The following SBF2 variants were observed in gnomAD, a reference collection of about 807,000 sequenced individuals.
SBF2 encodes the protein SET binding factor 2, also known as myotubularin-related protein 13.
SBF2 carries 112 observed loss-of-function variants against 225.2 expected under a neutral mutation model. The observed-to-expected ratio is 0.50, with a 90% confidence interval of 0.43 to 0.58. The LOEUF is 0.58. Ranked by LOEUF, SBF2 falls within the 20% of genes least tolerant of loss-of-function variation. SBF2 has a pLI of 0.00. For synonymous variants in SBF2, 763 were observed against 773.3 expected, an observed-to-expected ratio of 0.99 and a Z score of 0.22; for missense variants, 1,996 against 2,206.2, an observed-to-expected ratio of 0.90 and a Z score of 1.91.
chr11:10,044,116 A>G (rs1459876431), intron 2 of SBF2, among the ~76,000 whole-genome samples: 1 of 152,198 alleles, frequency 6.6e-6, no homozygotes, highest in Non-Finnish European at 1.5e-5. Flanking sequence ...ATCCAGAGTA[A>G]GCAAATAAAG....
intron 1 of SBF2, among the ~76,000 whole-genome samples, chr11:10,265,461 A>G (rs2044142): frequency 0.024 from 2,691 of 110,848 alleles, 93 homozygotes; most frequent in African/African-American, 0.08. Flanking sequence ...AACAGTTTCT[A>G]TCTTTAAAAG....
At chr11:9,829,989 C>T (rs1764498639) in intron 27 of SBF2, among the ~76,000 whole-genome samples, 2 of 152,202 alleles carry the variant, frequency 1.3e-5, no homozygotes. Flanking sequence ...GCCACACAGG[C>T]CCACCAGGGG....
chr11:10,065,257 C>T (rs1950587048), intron 2 of SBF2, among the ~76,000 whole-genome samples: 2 of 152,022 alleles, frequency 1.3e-5, no homozygotes, highest in African/African-American at 4.8e-5. Context: ...TTGTAGGATG[C>T]TACTAAAGTA....
At chr11:10,174,662 G>T (rs539853192) in intron 2 of SBF2, among the ~76,000 whole-genome samples, 1 of 151,974 alleles carries the variant, frequency 6.6e-6, no homozygotes, top group Non-Finnish European at 1.5e-5. Flanking sequence ...TACAGAGAAC[G>T]CCACAAAGAT....
At chr11:10,260,757 C>T (rs1009960202) in intron 1 of SBF2, among the ~76,000 whole-genome samples, 6 of 150,746 alleles carry the variant, frequency 4.0e-5, no homozygotes, top group Non-Finnish European at 5.9e-5. Context: ...GGTGTGCACC[C>T]GTAGTCCCAT....
intron 1 of SBF2, among the ~76,000 whole-genome samples, chr11:10,235,973 AG>A (rs1488287592): frequency 6.6e-6 from 1 of 152,172 alleles, no homozygotes; most frequent in Non-Finnish European, 1.5e-5. Flanking sequence ...CAGGAGGCTG[AG>A]ATAGGACAAT....
intron 2 of SBF2, among the ~76,000 whole-genome samples, chr11:10,100,382 C>A (rs755572560): frequency 1.3e-5 from 2 of 152,226 alleles, no homozygotes; most frequent in African/African-American, 4.8e-5. Flanking sequence ...CAGTAGCCCC[C>A]TCTCTGGTGA....
chr11:10,019,842 A>G (rs974622349), intron 6 of SBF2, among the ~76,000 whole-genome samples: 2 of 152,230 alleles, frequency 1.3e-5, no homozygotes, highest in Non-Finnish European at 2.9e-5. Flanking sequence ...TGGATGGTTC[A>G]GCAATTTACC....
chr11:9,921,791 A>G (rs1297862548), intron 16 of SBF2, among the ~76,000 whole-genome samples: 1 of 152,206 alleles, frequency 6.6e-6, no homozygotes, highest in Non-Finnish European at 1.5e-5. Context: ...GTCTCTTACA[A>G]TTGGAGTTAT....
At chr11:9,929,935 C>T (rs1205842446) in intron 16 of SBF2, among the ~76,000 whole-genome samples, 1 of 151,888 alleles carries the variant, frequency 6.6e-6, no homozygotes, top group East Asian at 1.9e-4. Flanking sequence ...GATGTGTTTT[C>T]ATTGTTCAGC....
chr11:10,035,308 A>G (rs909387250), intron 3 of SBF2, among the ~76,000 whole-genome samples: 1 of 151,960 alleles, frequency 6.6e-6, no homozygotes, highest in Non-Finnish European at 1.5e-5. Flanking sequence ...AACCATAAAA[A>G]CCCTAGAAGA....
intron 6 of SBF2, among the ~76,000 whole-genome samples, chr11:10,010,700 A>T (rs1417363568): frequency 6.6e-6 from 1 of 152,220 alleles, no homozygotes; most frequent in Non-Finnish European, 1.5e-5. Context: ...CTTTTTGCTT[A>T]GGACTGTCTT....
intron 14 of SBF2, among the ~76,000 whole-genome samples, chr11:9,967,134 G>A (rs965117160): frequency 6.6e-6 from 1 of 152,174 alleles, no homozygotes; most frequent in African/African-American, 2.4e-5. Context: ...GACTTTGGGA[G>A]GCCGAGGAGG....
At chr11:10,002,389 G>T (rs1366902065) in intron 7 of SBF2, among the ~76,000 whole-genome samples, 168 bp downstream of exon 7, 1 of 152,124 alleles carries the variant, frequency 6.6e-6, no homozygotes, top group East Asian at 1.9e-4. Flanking sequence ...AACTTGGAAA[G>T]TCTCAAATTC....
intron 6 of SBF2, among the ~76,000 whole-genome samples, chr11:10,003,359 C>CTTTTTCT (rs1230638331): frequency 1.4e-5 from 2 of 142,654 alleles, no homozygotes; most frequent in Non-Finnish European, 3.0e-5. Context: ...TATGCTTTTT[C>CTTTTTCT]TTTTTCTTTT....
chr11:10,261,532 G>C (rs192004325), intron 1 of SBF2, among the ~76,000 whole-genome samples: 3 of 152,298 alleles, frequency 2.0e-5, no homozygotes, highest in Admixed American at 2.0e-4. Flanking sequence ...TGTCGGTGGA[G>C]ACATAAGATG....
intron 2 of SBF2, among the ~76,000 whole-genome samples, chr11:10,178,514 C>T (rs1375672412): frequency 2.7e-5 from 4 of 149,622 alleles, no homozygotes; most frequent in African/African-American, 7.4e-5. Context: ...ACAAACAATC[C>T]CATCAAAAAG....
chr11:9,938,253 T>C (rs1187785570), intron 16 of SBF2, among the ~76,000 whole-genome samples: 1 of 149,884 alleles, frequency 6.7e-6, no homozygotes, highest in African/African-American at 2.5e-5. Flanking sequence ...ATCCAGCCAC[T>C]GCACTCCAGC....
chr11:10,033,139 G>T (rs1565155555), intron 3 of SBF2, among the ~76,000 whole-genome samples: 1 of 152,100 alleles, frequency 6.6e-6, no homozygotes, highest in Non-Finnish European at 1.5e-5. Flanking sequence ...AAAATGTGAT[G>T]AATATGAATT....
Sources: allele counts gnomAD v4.1 joint callset (sites outside exome capture counted in the v4.1 genomes callset), GRCh38; gene constraint gnomAD v4.1.1; transcripts MANE v1.5; gene names NCBI Gene and HGNC (gene_info 2026-07-23, HGNC 2026-07-21).